The following AP4S1 variants were observed in gnomAD, a reference collection of about 807,000 sequenced individuals.
The protein encoded by AP4S1 is adaptor related protein complex 4 subunit sigma 1, also known as AP-4 complex subunit sigma-1.
A neutral mutation model predicts 19.8 loss-of-function variants in AP4S1; 23 were observed. The ratio of observed to expected loss-of-function variants is 1.16; its 90% CI spans 0.84 to 1.65. The LOEUF is 1.65. AP4S1 is among the 40% of genes most tolerant of loss of function. The pLI is 0.00. For synonymous variants in AP4S1, 46 were observed against 54.1 expected (o/e 0.85, Z 0.66); for missense variants, 166 against 172.8 (o/e 0.96, Z 0.22).
At chr14:31,032,681 A>G (rs1003172415) in intron 1 of AP4S1, among the ~76,000 whole-genome samples, 4 of 151,962 alleles carry the variant, frequency 2.6e-5, no homozygotes, top group Admixed American at 1.3e-4. Flanking sequence ...GACTACAGGC[A>G]TGTGCCACCA....
chr14:31,064,864 G>A (rs1886630425), intron 1 of AP4S1, among the ~76,000 whole-genome samples: 1 of 152,256 alleles, frequency 6.6e-6, no homozygotes, highest in Non-Finnish European at 1.5e-5. Context: ...CTGAGGTGGG[G>A]AGATCACTTG....
chr14:31,085,514 C>T (rs1426792069), intron 5 of AP4S1: 1 of 985,660 alleles, frequency 1.0e-6, no homozygotes, highest in Non-Finnish European at 1.2e-6. Context: ...TGGCTCACGC[C>T]AGTAATCCCA....
chr14:31,073,285 T>A (rs1289396290), intron 4 of AP4S1: 1 of 323,368 alleles, frequency 3.1e-6, no homozygotes, highest in Non-Finnish European at 5.9e-6. Context: ...GGTCAGGAGA[T>A]GGAGACCATC....
intron 4 of AP4S1, among the ~76,000 whole-genome samples, chr14:31,077,652 C>G (rs760147453): frequency 6.6e-6 from 1 of 151,848 alleles, no homozygotes; most frequent in Admixed American, 6.6e-5. Flanking sequence ...CCAGGTGATT[C>G]TGGTTTCTGG....
chr14:31,036,547 T>C (rs554981029), intron 1 of AP4S1, among the ~76,000 whole-genome samples: 1 of 152,368 alleles, frequency 6.6e-6, no homozygotes, highest in South Asian at 2.1e-4. Context: ...GCTATTATTG[T>C]CAGCTTTAGC....
At chr14:31,035,444 G>A (rs1884685749) in intron 1 of AP4S1, among the ~76,000 whole-genome samples, 2 of 151,684 alleles carry the variant, frequency 1.3e-5, no homozygotes, top group Non-Finnish European at 2.9e-5. Flanking sequence ...GCCCACCTCA[G>A]CCTCCCAAAG....
At chr14:31,041,433 G>A (rs1885107994) in intron 1 of AP4S1, among the ~76,000 whole-genome samples, 2 of 152,176 alleles carry the variant, frequency 1.3e-5, no homozygotes, top group African/African-American at 4.8e-5. Context: ...ATAGGCATGA[G>A]CCACCATGCC....
chr14:31,085,603 GTC>G (rs1223019415), intron 5 of AP4S1: 1 of 859,626 alleles, frequency 1.2e-6, no homozygotes, highest in African/African-American at 1.8e-5. Context: ...GGGAGACCCA[GTC>G]TCTACAAAAA....
rs143668867 is a variant in AP4S1 at position 31,046,662 on chromosome 14, G to A, written c.-71-19464G>A. ...AGATCAAGACCATCCAGGATAACAC[G>A]GTGAAACCCCGTCGCTACTAAAAAA... On this transcript the variant is annotated intron_variant, in intron 1 of 5. Coordinates refer to ENST00000542754, the MANE Select transcript of AP4S1 (RefSeq NM_001128126.3). 2.8e-3 allele frequency among the ~76,000 whole-genome samples: 427 copies of A among 152,132 alleles called. 2 individuals carry two copies. Among genetic ancestry groups the A allele is most frequent in the African/African-American group, 9.8e-3 (408 of 41,516 alleles).
chr14:31,092,810 G>A lies in AP4S1; in HGVS notation c.307-97G>A. ...TTTGTACAAAAAACCTCATGCTTAGGCTAATTTACACTGGGAACACTCTAG... is the reference window on the plus strand; with the variant it reads ...TTTGTACAAAAAACCTCATGCTTAGACTAATTTACACTGGGAACACTCTAG... On this transcript the variant is annotated intron_variant, in intron 5 of 5. Coordinates refer to ENST00000542754, the MANE Select transcript of AP4S1 (RefSeq NM_001128126.3). 6.8e-6 allele frequency: 6 copies of A among 888,554 alleles called. 1 individual carries two copies. The South Asian group carries it at 1.4e-4, about 20-fold the overall frequency. 55.0% of individuals were successfully genotyped at this position (888,554 alleles called of 1,614,324 possible). A position where few individuals can be genotyped will look rare whatever the true frequency, so the allele number is the denominator to read the frequency against.
intron 1 of AP4S1, among the ~76,000 whole-genome samples, chr14:31,034,754 A>T (rs566912742): frequency 6.7e-6 from 1 of 150,002 alleles, no homozygotes; most frequent in Non-Finnish European, 1.5e-5. Flanking sequence ...AGTAGCTGGG[A>T]TTACAGGCAC....
chr14:31,046,845 CAA>C (rs577536911), intron 1 of AP4S1, among the ~76,000 whole-genome samples: 16 of 61,104 alleles, frequency 2.6e-4, no homozygotes, highest in Admixed American at 5.6e-4. Flanking sequence ...GACTCCGTCT[CAA>C]AAAAAAAAAA....
At chr14:31,092,518 C>T (rs919624458) in intron 5 of AP4S1, among the ~76,000 whole-genome samples, 7 of 152,134 alleles carry the variant, frequency 4.6e-5, no homozygotes, top group South Asian at 2.1e-4. Context: ...CTGTCTGGAA[C>T]GGGAGTATTC....
At chr14:31,027,905 T>C (rs1398264827) in intron 1 of AP4S1, among the ~76,000 whole-genome samples, 1 of 152,190 alleles carries the variant, frequency 6.6e-6, no homozygotes, top group Non-Finnish European at 1.5e-5. Context: ...AAAATTGCAT[T>C]GAAAATTTGT....
intron 1 of AP4S1, among the ~76,000 whole-genome samples, chr14:31,059,945 A>T (rs1341273613): frequency 2.7e-5 from 4 of 146,050 alleles, no homozygotes; most frequent in African/African-American, 5.0e-5. Context: ...ATATATATAT[A>T]TTTATTTATT....
chr14:31,090,618 T>G (rs145745703), intron 5 of AP4S1, among the ~76,000 whole-genome samples: 54 of 152,316 alleles, frequency 3.5e-4, no homozygotes, highest in Middle Eastern at 3.4e-3. Flanking sequence ...CCTTCTTACT[T>G]CCTCCTATTT....
In AP4S1 at chr14:31,069,903, A is replaced by G. The variant is rs764231703; in HGVS notation, c.199A>G (p.Ile67Val). 8 of 1,613,384 alleles carry G rather than the reference A, an allele frequency of 5.0e-6. No individual in the cohort carries two copies. Among genetic ancestry groups the G allele is most frequent in the South Asian group, 1.1e-5 (1 of 91,064 alleles). Residue 67 changes from isoleucine to valine, a missense_variant, in exon 3 of 6, where the codon ATT becomes GTT. Transcript: ENST00000542754. ...ATATCGGCAGTATGCAGCTCTCTTC[A>G]TTGTGGTTGGAGTTAATGACACTGA... ...LIYRQYAALF[I>V]VVGVNDTENE...
At position 31,095,701 on chromosome 14, in the gene AP4S1, G is replaced by A. The variant is rs540989874; in HGVS notation, c.*2666G>A. ...TCCAAAGTGTTGGGATTACAGGCCTGAGCCACTGTGCCCAGTCTTTTTATG... is the reference window on the plus strand; with the variant it reads ...TCCAAAGTGTTGGGATTACAGGCCTAAGCCACTGTGCCCAGTCTTTTTATG... On this transcript the variant is annotated 3_prime_UTR_variant, in exon 6 of 6. Coordinates refer to ENST00000542754, the MANE Select transcript of AP4S1 (RefSeq NM_001128126.3). 6.6e-6 allele frequency: 1 copy of A among 152,326 alleles called. No homozygotes were observed. Among genetic ancestry groups the A allele is most frequent in the South Asian group, 2.1e-4 (1 of 4,822 alleles). 9.4% of individuals were successfully genotyped at this position (152,326 alleles called of 1,614,324 possible).
rs1395228517 is a variant in AP4S1, at chr14:31,095,775, T to C, written c.*2740T>C. The C allele has an allele frequency of 5.3e-5, 8 of 152,114 alleles. No individual in the cohort carries two copies. Among genetic ancestry groups the C allele is most frequent in the Admixed American group, 3.9e-4 (6 of 15,262 alleles). The allele number at this position is 152,114 out of a possible 1,614,324, so 9.4% of individuals were successfully genotyped here. ...TTAATAAGCTTACTGTTAATGAAAT[T>C]TAGTTCAAAGTTTAAAAGTAGAATG... On this transcript the variant is annotated 3_prime_UTR_variant, in exon 6 of 6. Coordinates refer to ENST00000542754, the MANE Select transcript of AP4S1 (RefSeq NM_001128126.3).
Sources: allele counts gnomAD v4.1 joint callset (sites outside exome capture counted in the v4.1 genomes callset), GRCh38; gene constraint gnomAD v4.1.1; transcripts MANE v1.5; gene names NCBI Gene and HGNC (gene_info 2026-07-23, HGNC 2026-07-21).